HCN1: variants seen among roughly 807,000 people sequenced by gnomAD.
The protein encoded by HCN1 is hyperpolarization activated cyclic nucleotide gated potassium channel 1, also known as potassium/sodium hyperpolarization-activated cyclic nucleotide-gated channel 1.
A neutral mutation model predicts 78.9 loss-of-function variants in HCN1; 13 were observed. That is an observed-to-expected ratio of 0.16 (90% CI 0.11 to 0.26). The LOEUF is 0.26. Among genes scored for constraint, HCN1 ranks in the 10% least tolerant of loss-of-function variants. The probability of loss-of-function intolerance (pLI) is 1.00; values close to 1 mark genes in which losing one functional copy is unlikely to be tolerated. For synonymous variants in HCN1, 552 were observed against 455.5 expected (o/e 1.21, Z -2.70); for missense variants, 810 against 1,154.3 (o/e 0.70, Z 4.32).
chr5:45,351,215 A>G (rs1003936453), intron 5 of HCN1, among the ~76,000 whole-genome samples: 5 of 151,958 alleles, frequency 3.3e-5, no homozygotes, highest in Non-Finnish European at 2.9e-5. Context: ...CTTCAGAAAT[A>G]ATGCCGCATA....
At chr5:45,622,075 A>T (rs959984777) in intron 2 of HCN1, among the ~76,000 whole-genome samples, 2 of 152,100 alleles carry the variant, frequency 1.3e-5, no homozygotes, top group Non-Finnish European at 2.9e-5. Context: ...CAAAAAAATT[A>T]GCCAGACGTG....
intron 2 of HCN1, among the ~76,000 whole-genome samples, chr5:45,580,743 G>C (rs1339918634): frequency 6.6e-6 from 1 of 152,032 alleles, no homozygotes; most frequent in African/African-American, 2.4e-5. Context: ...CTGTGGCCAT[G>C]TGTTCTCATT....
At chr5:45,648,903 C>A (rs1196649173) in intron 1 of HCN1, among the ~76,000 whole-genome samples, 2 of 151,820 alleles carry the variant, frequency 1.3e-5, no homozygotes, top group Non-Finnish European at 2.9e-5. Flanking sequence ...ACCTAACAAT[C>A]AATTTGCTAG....
intron 3 of HCN1, among the ~76,000 whole-genome samples, chr5:45,445,243 T>A (rs1161684795): frequency 6.6e-6 from 1 of 152,202 alleles, no homozygotes; most frequent in Non-Finnish European, 1.5e-5. Flanking sequence ...ATCCCGCACC[T>A]GGCTCGGAGG....
At chr5:45,602,790 A>G (rs561471354) in intron 2 of HCN1, among the ~76,000 whole-genome samples, 19 of 152,234 alleles carry the variant, frequency 1.2e-4, no homozygotes, top group African/African-American at 4.1e-4. Flanking sequence ...GCGAATACAC[A>G]TGTACACAGT....
intron 6 of HCN1, among the ~76,000 whole-genome samples, chr5:45,270,283 T>C (rs1423466428): frequency 6.6e-6 from 1 of 152,252 alleles, no homozygotes; most frequent in East Asian, 1.9e-4. Flanking sequence ...TTACTTTCTC[T>C]GGCATTTTAT....
chr5:45,299,528 A>G (rs1745565636), intron 6 of HCN1, among the ~76,000 whole-genome samples: 2 of 151,940 alleles, frequency 1.3e-5, no homozygotes, highest in Admixed American at 6.6e-5. Context: ...ATGAGAAAAT[A>G]TAGTGTAGGT....
chr5:45,390,619 T>A (rs964620913), intron 4 of HCN1, among the ~76,000 whole-genome samples: 4 of 152,110 alleles, frequency 2.6e-5, no homozygotes, highest in Non-Finnish European at 5.9e-5. Context: ...TTCCAGCATA[T>A]AACTTAGAGC....
chr5:45,554,197 C>T (rs2111861378), intron 2 of HCN1, among the ~76,000 whole-genome samples: 1 of 151,772 alleles, frequency 6.6e-6, no homozygotes, highest in South Asian at 2.1e-4. Flanking sequence ...ACAGATAGGC[C>T]CATTGAAATA....
intron 2 of HCN1, among the ~76,000 whole-genome samples, chr5:45,565,017 T>C (rs1287857435): frequency 6.6e-6 from 1 of 152,120 alleles, no homozygotes; most frequent in Non-Finnish European, 1.5e-5. Context: ...TTTGTCAAAT[T>C]AAATTAAACT....
chr5:45,680,528 G>C (rs1462484144), intron 1 of HCN1, among the ~76,000 whole-genome samples: 1 of 152,058 alleles, frequency 6.6e-6, no homozygotes, highest in Non-Finnish European at 1.5e-5. Flanking sequence ...CCAATAAAAA[G>C]AGTTAAGATT....
rs139111480 is a variant in HCN1, at chr5:45,483,345, T to C, written c.850-21338A>G. 5.3e-5 allele frequency among the ~76,000 whole-genome samples: 8 copies of C among 152,328 alleles called. No individual in the cohort carries two copies. The East Asian group carries it at 1.5e-3, about 29-fold the overall frequency. On this transcript the variant is annotated intron_variant, in intron 2 of 7. Coordinates refer to ENST00000303230, the MANE Select transcript of HCN1 (RefSeq NM_021072.4). ...CACACAGTATTCTGAGTGGTATTCA[T>C]TGTGGTCTTGACTTGCATTTCTCTC...
At chr5:45,392,341 T>G (rs1469814860) in intron 4 of HCN1, among the ~76,000 whole-genome samples, 1 of 152,096 alleles carries the variant, frequency 6.6e-6, no homozygotes, top group Non-Finnish European at 1.5e-5. Flanking sequence ...AAAACAAGGA[T>G]CTATGGATCA....
chr5:45,256,154 T>C lies in HCN1; in HGVS notation c.*5767A>G, dbSNP rs1744609177. 1 of 151,994 alleles carries C rather than the reference T, an allele frequency of 6.6e-6. No individual in the cohort carries two copies. Among genetic ancestry groups the C allele is most frequent in the Admixed American group, 6.6e-5 (1 of 15,252 alleles). 9.4% of individuals were successfully genotyped at this position (151,994 alleles called of 1,614,324 possible). ...TGGAGGGTGAGGCGGGCGGATCACT[T>C]GAGGTTAGGGGTTCGAGACCGGCCT... On this transcript the variant is annotated 3_prime_UTR_variant, in exon 8 of 8. Transcript: ENST00000303230.
At chr5:45,593,370 A>ACCCCCC (rs546304789) in intron 2 of HCN1, among the ~76,000 whole-genome samples, 3 of 135,120 alleles carry the variant, frequency 2.2e-5, no homozygotes, top group African/African-American at 8.5e-5. Flanking sequence ...ACACACACAC[A>ACCCCCC]CCCCACATGT....
In HCN1 at chr5:45,260,583, T is replaced by C. The variant is rs1398779147; in HGVS notation, c.*1338A>G. ...TAGTTACAATATACATAGAGCAAAA[T>C]GTGTGTTCCCAAACAGACGTGATGC... On this transcript the variant is annotated 3_prime_UTR_variant, in exon 8 of 8. Coordinates refer to ENST00000303230, the MANE Select transcript of HCN1 (RefSeq NM_021072.4). The C allele has an allele frequency of 6.6e-6, 1 of 152,508 alleles. No homozygotes were observed. Among genetic ancestry groups the C allele is most frequent in the African/African-American group, 2.4e-5 (1 of 41,450 alleles). 9.4% of individuals were successfully genotyped at this position (152,508 alleles called of 1,614,324 possible). A position where few individuals can be genotyped will look rare whatever the true frequency, so the allele number is the denominator to read the frequency against.
At chr5:45,579,022 A>G (rs1025307347) in intron 2 of HCN1, among the ~76,000 whole-genome samples, 4 of 151,980 alleles carry the variant, frequency 2.6e-5, no homozygotes, top group African/African-American at 7.2e-5. Context: ...TCCTAAAACA[A>G]CCTCTCATAT....
intron 2 of HCN1, among the ~76,000 whole-genome samples, chr5:45,493,522 T>C: frequency 6.6e-6 from 1 of 152,128 alleles, no homozygotes; most frequent in East Asian, 1.9e-4. Flanking sequence ...CCTTTTTGTG[T>C]CTATGTTTCT....
At chr5:45,264,238 G>A (rs1744809883) in intron 7 of HCN1, among the ~76,000 whole-genome samples, 1 of 152,060 alleles carries the variant, frequency 6.6e-6, no homozygotes, top group African/African-American at 2.4e-5. Context: ...ACCTTTTCCT[G>A]CCATCATCTT....
Sources: gnomAD v4.1 joint callset for allele counts (sites outside exome capture counted in the v4.1 genomes callset) on GRCh38, gnomAD v4.1.1 for gene constraint, MANE v1.5 for transcripts, NCBI Gene and HGNC (gene_info 2026-07-23, HGNC 2026-07-21) for gene names.